Variants in SLC14A2 observed in about 807,000 individuals in gnomAD.
SLC14A2 encodes the protein urea transporter 2.
SLC14A2 carries 91 observed loss-of-function variants against 104.6 expected under a neutral mutation model. The observed-to-expected ratio is 0.87, with a 90% CI of 0.73 to 1.04. SLC14A2 has a LOEUF of 1.04. Ranked by LOEUF, SLC14A2 falls within the 50% of genes least tolerant of loss-of-function variation. The pLI is 0.00. For synonymous variants in SLC14A2, 476 were observed against 466.4 expected (o/e 1.02, Z -0.27); for missense variants, 1,189 against 1,156.0 (o/e 1.03, Z -0.41).
At chr18:45,551,340 A>G (rs2044052898) in intron 2 of SLC14A2, among the ~76,000 whole-genome samples, 1 of 152,236 alleles carries the variant, frequency 6.6e-6, no homozygotes, top group African/African-American at 2.4e-5. Flanking sequence ...AATACCCAGG[A>G]CTGCTCTGAA....
chr18:45,267,373 A>G (rs2084602855), intron 1 of SLC14A2, among the ~76,000 whole-genome samples: 2 of 152,024 alleles, frequency 1.3e-5, no homozygotes, highest in South Asian at 4.1e-4. Context: ...CCTTCTGGTT[A>G]TCCTTACCAC....
Position 45,682,987 on chromosome 18 carries a change from G to C in SLC14A2, c.*468G>C, listed in dbSNP as rs111616777. ...CGGGCACCTGTAGTCCCAGCTACTT[G>C]GGAGGCTGAGGCAGGAGAATGGCGT... On this transcript the variant is annotated 3_prime_UTR_variant, in exon 20 of 20. Transcript: ENST00000255226. 86 of 169,384 alleles carry C rather than the reference G, an allele frequency of 5.1e-4. No individual in the cohort carries two copies. The highest frequency in any genetic ancestry group is 1.9e-3 in the African/African-American group (78 of 42,000). 10.5% of individuals were successfully genotyped at this position (169,384 alleles called of 1,614,324 possible).
At chr18:45,586,623 G>A (rs34185718) in intron 2 of SLC14A2, among the ~76,000 whole-genome samples, 6,265 of 152,234 alleles carry the variant, frequency 0.041, 172 homozygotes, top group Non-Finnish European at 0.066. Context: ...TGCCCAGGCC[G>A]TGACTGCTTG....
intron 2 of SLC14A2, among the ~76,000 whole-genome samples, chr18:45,525,130 GAC>G (rs5824592): frequency 0.86 from 129,258 of 149,558 alleles, 57,620 homozygotes; most frequent in East Asian, 0.99. Context: ...TTTGCATATA[GAC>G]ACACACACAC....
intron 2 of SLC14A2, among the ~76,000 whole-genome samples, chr18:45,559,862 T>C (rs1302446455): frequency 6.6e-6 from 1 of 152,188 alleles, no homozygotes; most frequent in Admixed American, 6.5e-5. Context: ...GGATCCACCA[T>C]TAGCTGAAAG....
At chr18:45,590,653 G>A (rs773439400) in intron 2 of SLC14A2, among the ~76,000 whole-genome samples, 12 of 152,150 alleles carry the variant, frequency 7.9e-5, no homozygotes, top group Non-Finnish European at 1.5e-4. Flanking sequence ...GGGCAGACAG[G>A]AACATCAGGA....
chr18:45,566,063 A>G (rs540043152), intron 2 of SLC14A2, among the ~76,000 whole-genome samples: 1 of 152,194 alleles, frequency 6.6e-6, no homozygotes, highest in East Asian at 1.9e-4. Context: ...GGAAGTAAAA[A>G]CTTTGGTTGG....
chr18:45,294,565 T>A (rs1389503080), intron 1 of SLC14A2, among the ~76,000 whole-genome samples: 1 of 152,252 alleles, frequency 6.6e-6, no homozygotes, highest in Non-Finnish European at 1.5e-5. Flanking sequence ...ATATGCAATG[T>A]GGCATGCTTG....
intron 1 of SLC14A2, among the ~76,000 whole-genome samples, chr18:45,312,595 C>A (rs2085089958): frequency 6.6e-6 from 1 of 152,082 alleles, no homozygotes; most frequent in Admixed American, 6.5e-5. Context: ...ATTATTGCTA[C>A]AAAAATATTT....
chr18:45,663,977 A>T (rs1599144221), intron 11 of SLC14A2, 70 bp downstream of exon 11: 1 of 1,474,734 alleles, frequency 6.8e-7, no homozygotes. Flanking sequence ...GGACAATGGC[A>T]ATACCTACTT....
the SLC14A2 span, among the ~76,000 whole-genome samples, chr18:45,205,957 A>G: frequency 6.6e-6 from 1 of 152,240 alleles, no homozygotes; most frequent in African/African-American, 2.4e-5. Flanking sequence ...TCAGTCCACC[A>G]GTTCCAGCCT....
chr18:45,660,297 T>C (rs16978438), intron 10 of SLC14A2, among the ~76,000 whole-genome samples: 63,542 of 151,904 alleles, frequency 0.42, 13,744 homozygotes, highest in Admixed American at 0.47. Flanking sequence ...GTCAAGAACA[T>C]ATGATTAACT....
intron 1 of SLC14A2, among the ~76,000 whole-genome samples, chr18:45,347,219 G>A (rs2085458229): frequency 6.6e-6 from 1 of 151,978 alleles, no homozygotes. Context: ...AGCTGGGCAT[G>A]GTGGCATGCA....
Position 45,639,764 on chromosome 18 carries a change from G to A in SLC14A2, c.862G>A (p.Val288Ile), listed in dbSNP as rs145855084. The A allele has an allele frequency of 6.2e-7, 1 of 1,613,926 alleles. No individual in the cohort carries two copies. The highest frequency in any genetic ancestry group is 8.5e-7 in the Non-Finnish European group (1 of 1,179,980). ...EMPLLLQAIP[V>I]GVGQVYGCDN... is the part of the protein sequence containing the mutation. ...TTTGCAGCTGTTACAAGCCATCCCT[G>A]TTGGGGTCGGCCAGGTGTATGGCTG... is the stretch of plus-strand genomic sequence containing the variant. The change falls in exon 7 of 20, where the codon GTT becomes ATT. Residue 288 changes from valine (V) to isoleucine (I), a missense_variant. Physicochemically the swap from Val to Ile is conservative, Grantham distance 29. Coordinates refer to ENST00000255226, the MANE Select transcript of SLC14A2 (RefSeq NM_007163.4).
chr18:45,448,370 A>G (rs578214292), intron 1 of SLC14A2, among the ~76,000 whole-genome samples: 68 of 152,312 alleles, frequency 4.5e-4, no homozygotes, highest in African/African-American at 1.6e-3. Context: ...AGTTTGTACA[A>G]TGAAAGAAGG....
At chr18:45,524,671 A>T (rs1224627329) in intron 2 of SLC14A2, among the ~76,000 whole-genome samples, 2 of 152,168 alleles carry the variant, frequency 1.3e-5, no homozygotes, top group Non-Finnish European at 2.9e-5. Flanking sequence ...TCATTTAGAG[A>T]AATGGGTAAG....
intron 1 of SLC14A2, among the ~76,000 whole-genome samples, chr18:45,316,260 C>G (rs1464775219): frequency 6.6e-6 from 1 of 152,180 alleles, no homozygotes. Context: ...CCTGAGAAAG[C>G]CCTAGGAAGG....
At chr18:45,668,920 T>C (rs1436797111) in intron 15 of SLC14A2, among the ~76,000 whole-genome samples, 1 of 152,234 alleles carries the variant, frequency 6.6e-6, no homozygotes. Context: ...GTGCCTGCTC[T>C]ACCCCATGTT....
intron 1 of SLC14A2, among the ~76,000 whole-genome samples, chr18:45,282,099 G>A (rs948719598): frequency 1.3e-5 from 2 of 152,136 alleles, no homozygotes; most frequent in African/African-American, 4.8e-5. Context: ...GGTCATGGAG[G>A]TGACATCACT....
Sources: allele counts gnomAD v4.1 joint callset (sites outside exome capture counted in the v4.1 genomes callset), GRCh38; gene constraint gnomAD v4.1.1; transcripts MANE v1.5; gene names NCBI Gene and HGNC (gene_info 2026-07-23, HGNC 2026-07-21).